Variants in DYSF observed in about 807,000 individuals in gnomAD.
The protein encoded by DYSF is dystrophy-associated fer-1-like 1.
DYSF carries 212 observed loss-of-function variants against 274.9 expected under a neutral mutation model. That is an observed-to-expected ratio of 0.77 (90% confidence interval 0.69 to 0.86). The LOEUF is 0.86. Ranked by LOEUF, DYSF falls within the 40% of genes least tolerant of loss-of-function variation. The pLI, the probability that DYSF is intolerant of heterozygous loss-of-function variation, is 0.00. For missense variants in DYSF, 2,666 were observed against 2,783.2 expected (o/e 0.96, Z 0.95); for synonymous variants, 1,091 against 1,078.7 (o/e 1.01, Z -0.22).
At chr2:71,612,164 C>T (rs1361989975) in intron 38 of DYSF, among the ~76,000 whole-genome samples, 1 of 152,218 alleles carries the variant, frequency 6.6e-6, no homozygotes, top group Non-Finnish European at 1.5e-5. Flanking sequence ...TGGCTGTCAA[C>T]AGAAGCCTCC....
At chr2:71,665,734 G>A (rs1304440385) in intron 47 of DYSF, among the ~76,000 whole-genome samples, 1 of 152,158 alleles carries the variant, frequency 6.6e-6, no homozygotes, top group African/African-American at 2.4e-5. Context: ...GACCCTGATG[G>A]TATCTTCCAA....
chr2:71,544,511 G>C (rs10191020), intron 17 of DYSF, among the ~76,000 whole-genome samples: 4,169 of 139,848 alleles, frequency 0.03, 184 homozygotes, highest in African/African-American at 0.1. Flanking sequence ...CCAGCCTGTA[G>C]TGCAGTGGTG....
intron 32 of DYSF, among the ~76,000 whole-genome samples, chr2:71,598,095 C>A (rs1014210015): frequency 2.6e-5 from 4 of 152,250 alleles, no homozygotes; most frequent in Non-Finnish European, 5.9e-5. Context: ...AAGGCTCTGA[C>A]CCAAATTGTA....
intron 30 of DYSF, among the ~76,000 whole-genome samples, chr2:71,581,214 A>C (rs1440879816): frequency 6.6e-6 from 1 of 152,218 alleles, no homozygotes; most frequent in Non-Finnish European, 1.5e-5. Context: ...GCACACACGC[A>C]TACACGCTCG....
intron 12 of DYSF, among the ~76,000 whole-genome samples, chr2:71,525,701 C>T (rs2087800199): frequency 8.5e-6 from 1 of 118,260 alleles, no homozygotes; most frequent in African/African-American, 2.9e-5. Context: ...AAAGTGTTTT[C>T]CCTGCATGAT....
intron 26 of DYSF, among the ~76,000 whole-genome samples, chr2:71,568,879 T>TC (rs1332480052): frequency 1.4e-5 from 2 of 139,136 alleles, no homozygotes; most frequent in East Asian, 4.3e-4. Flanking sequence ...ATTCTCTCTC[T>TC]TTTTTTTTTT....
intron 32 of DYSF, among the ~76,000 whole-genome samples, chr2:71,592,327 C>A (rs1222868319): frequency 6.6e-6 from 1 of 152,146 alleles, no homozygotes; most frequent in Non-Finnish European, 1.5e-5. Context: ...CATCCTGGCC[C>A]CACCCCCTCC....
At chr2:71,512,856 T>C (rs1488651031) in intron 5 of DYSF, among the ~76,000 whole-genome samples, 1 of 152,214 alleles carries the variant, frequency 6.6e-6, no homozygotes, top group Non-Finnish European at 1.5e-5. Flanking sequence ...GGCTCAGCAC[T>C]GTCCGAGCTT....
In DYSF at chr2:71,589,705, C is replaced by T. The variant is rs2093193682; in HGVS notation, c.3496+19C>T. The T allele has an allele frequency of 6.2e-7, 1 of 1,603,852 alleles. No homozygotes were observed. Among genetic ancestry groups the T allele is most frequent in the Non-Finnish European group, 8.5e-7 (1 of 1,170,658 alleles). On this transcript the variant is annotated intron_variant, in intron 31 of 55. Transcript: ENST00000410020. ...TTCGACTGTAAGTGAGGCTTCGAGG[C>T]CTCTATGGGGTGATAAGGGTGTGTC...
chr2:71,622,126 C>CTTTTTTTTTTTTTTT (rs1558651607), intron 41 of DYSF, among the ~76,000 whole-genome samples: 1 of 38,746 alleles, frequency 2.6e-5, no homozygotes, highest in Non-Finnish European at 7.0e-5. Context: ...CAGATGATTT[C>CTTTTTTTTTTTTTTT]TTTGTTTTTT....
chr2:71,619,963 A>G (rs1353584045), intron 40 of DYSF, among the ~76,000 whole-genome samples: 3 of 152,198 alleles, frequency 2.0e-5, no homozygotes, highest in Non-Finnish European at 4.4e-5. Context: ...AGGATGCAGA[A>G]AGTGATTTGT....
chr2:71,560,174 G>A (rs943933678), intron 22 of DYSF, among the ~76,000 whole-genome samples: 11 of 152,368 alleles, frequency 7.2e-5, no homozygotes, highest in African/African-American at 2.6e-4. Context: ...AGGAGGGAAA[G>A]AGCCGAGACA....
intron 54 of DYSF, among the ~76,000 whole-genome samples, chr2:71,682,154 G>A (rs2095304695): frequency 6.6e-6 from 1 of 152,110 alleles, no homozygotes; most frequent in Admixed American, 6.6e-5. Flanking sequence ...TCTGGGGCTC[G>A]GTGGGCTGGA....
At chr2:71,504,245 G>A (rs1041741862) in intron 4 of DYSF, among the ~76,000 whole-genome samples, 2 of 152,112 alleles carry the variant, frequency 1.3e-5, no homozygotes, top group African/African-American at 4.8e-5. Context: ...AGACCCTCTG[G>A]TGGAATGGCT....
intron 26 of DYSF, among the ~76,000 whole-genome samples, chr2:71,568,655 G>A (rs933072573): frequency 1.3e-5 from 2 of 151,976 alleles, no homozygotes; most frequent in East Asian, 3.9e-4. Context: ...CAACCTCCTG[G>A]CCTCAGGTGA....
intron 1 of DYSF, among the ~76,000 whole-genome samples, chr2:71,467,802 C>T (rs1290359061): frequency 6.6e-6 from 1 of 151,776 alleles, no homozygotes; most frequent in Non-Finnish European, 1.5e-5. Flanking sequence ...TTTGTGGAAT[C>T]GATAATAATA....
rs2093871704 is a variant in DYSF at position 71,615,911 on chromosome 2, T to G, written c.4464+2501T>G. On this transcript the variant is annotated intron_variant, in intron 40 of 55. Coordinates refer to ENST00000410020, the MANE Select transcript of DYSF (RefSeq NM_001130987.2). The surrounding 1 kb of genome is among the most constrained non-coding windows in gnomAD (Gnocchi z 4.9). ...CAGTTGATGCAGCCCTGGCTGGTGC[T>G]GGATGTGTTCACTGTGTCCTGGCTG... Among the ~76,000 whole-genome samples the G allele has an allele frequency of 6.6e-6, 1 of 152,234 alleles. No homozygotes were observed. The highest frequency in any genetic ancestry group is 1.5e-5 in the Non-Finnish European group (1 of 68,046).
At chr2:71,601,311 A>G in intron 34 of DYSF, 188 bp from the exon 35 acceptor site, 4 of 746,748 alleles carry the variant, frequency 5.4e-6, no homozygotes, top group Non-Finnish European at 9.4e-6. Context: ...GAATAGGAGT[A>G]GGGCTGCTCT....
At chr2:71,520,102 A>G (rs2087090604) in intron 10 of DYSF, 76 bp from the exon 11 acceptor site, 3 of 1,560,608 alleles carry the variant, frequency 1.9e-6, no homozygotes, top group African/African-American at 1.4e-5. Flanking sequence ...TTTTAATGGA[A>G]TCATATAATG....
Sources: gnomAD v4.1 joint callset for allele counts (sites outside exome capture counted in the v4.1 genomes callset) on GRCh38, gnomAD v4.1.1 for gene constraint, Gnocchi (gnomAD v3.1) non-coding constraint, MANE v1.5 for transcripts, NCBI Gene and HGNC (gene_info 2026-07-23, HGNC 2026-07-21) for gene names.